ERBB4: variants seen among roughly 807,000 people sequenced by gnomAD.
The protein encoded by ERBB4 is receptor tyrosine-protein kinase erbB-4.
A neutral mutation model predicts 158.0 loss-of-function variants in ERBB4; 42 were observed. The ratio of observed to expected loss-of-function variants is 0.27; its 90% CI spans 0.21 to 0.34. The LOEUF (loss-of-function observed/expected upper bound fraction) is 0.34. Among genes scored for constraint, ERBB4 ranks in the 10% least tolerant of loss-of-function variants. The pLI is 1.00. For synonymous variants in ERBB4, 583 were observed against 558.7 expected (o/e 1.04, Z -0.61); for missense variants, 1,333 against 1,624.1 (o/e 0.82, Z 3.08).
chr2:212,114,382 G>A (rs997859418), intron 2 of ERBB4, among the ~76,000 whole-genome samples: 2 of 152,164 alleles, frequency 1.3e-5, no homozygotes, highest in Admixed American at 1.3e-4. Context: ...GTCAGAAAGA[G>A]CTGAATACCA....
chr2:211,848,342 G>A (rs919599431), intron 3 of ERBB4, among the ~76,000 whole-genome samples: 3 of 152,016 alleles, frequency 2.0e-5, no homozygotes, highest in South Asian at 2.1e-4. Flanking sequence ...CAAAAAACTT[G>A]CAAGTAATAT....
At chr2:211,803,578 C>T (rs1028220795) in intron 3 of ERBB4, among the ~76,000 whole-genome samples, 1 of 152,158 alleles carries the variant, frequency 6.6e-6, no homozygotes, top group African/African-American at 2.4e-5. Context: ...GAAGATGTTA[C>T]TAAGAGACAA....
At chr2:211,423,477 C>T (rs980188749) in intron 23 of ERBB4, among the ~76,000 whole-genome samples, 8 of 151,920 alleles carry the variant, frequency 5.3e-5, no homozygotes, top group South Asian at 2.1e-4. Flanking sequence ...AAGCCAGAAA[C>T]TCCAGAGACT....
intron 2 of ERBB4, among the ~76,000 whole-genome samples, chr2:212,113,176 C>A (rs1005001674): frequency 1.2e-4 from 19 of 152,010 alleles, no homozygotes; most frequent in Admixed American, 9.2e-4. Flanking sequence ...ATATTTAGAA[C>A]AAGTTAGTAG....
intron 20 of ERBB4, among the ~76,000 whole-genome samples, chr2:211,524,728 G>A (rs755288965): frequency 7.2e-5 from 11 of 152,242 alleles, no homozygotes; most frequent in Non-Finnish European, 1.2e-4. Flanking sequence ...CAAGCGCCAG[G>A]CGCAGCCCAG....
chr2:211,859,439 T>G (rs867362974), intron 3 of ERBB4, among the ~76,000 whole-genome samples: 42 of 152,236 alleles, frequency 2.8e-4, no homozygotes, highest in Middle Eastern at 3.2e-3. Flanking sequence ...ATTTCATGAA[T>G]ACTGTAATAT....
At chr2:212,536,956 G>A (rs1451763618) in intron 1 of ERBB4, among the ~76,000 whole-genome samples, 1 of 152,166 alleles carries the variant, frequency 6.6e-6, no homozygotes, top group African/African-American at 2.4e-5. Flanking sequence ...CGCTTGGAAT[G>A]TCAAGTCCGT....
intron 2 of ERBB4, among the ~76,000 whole-genome samples, chr2:211,997,933 A>ACACAC (rs2082240094): frequency 6.6e-6 from 1 of 151,622 alleles, no homozygotes; most frequent in Non-Finnish European, 1.5e-5. Context: ...ACACACACAC[A>ACACAC]AATGCCTGAG....
chr2:212,033,742 T>G (rs950726375), intron 2 of ERBB4, among the ~76,000 whole-genome samples: 3 of 151,906 alleles, frequency 2.0e-5, no homozygotes, highest in African/African-American at 7.2e-5. Flanking sequence ...TCTAAGGTCA[T>G]GGAGACCTTA....
chr2:211,527,627 AAAT>A (rs1305770207), intron 20 of ERBB4, among the ~76,000 whole-genome samples: 1 of 152,080 alleles, frequency 6.6e-6, no homozygotes, highest in African/African-American at 2.4e-5. Context: ...AAGCAATCAA[AAAT>A]AATAACTACA....
At chr2:211,589,518 G>T (rs999554033) in intron 19 of ERBB4, among the ~76,000 whole-genome samples, 2 of 152,042 alleles carry the variant, frequency 1.3e-5, no homozygotes, top group East Asian at 3.9e-4. Flanking sequence ...TAATAGCTTA[G>T]CCATCAGTCT....
At chr2:211,386,772 G>T in intron 27 of ERBB4, 81 bp downstream of exon 27, 2 of 1,423,298 alleles carry the variant, frequency 1.4e-6, no homozygotes, top group Non-Finnish European at 2.0e-6. Flanking sequence ...TCAGCTATCT[G>T]GCAATTTCTA....
At chr2:212,214,047 T>C (rs2103000) in intron 1 of ERBB4, among the ~76,000 whole-genome samples, 84,308 of 151,684 alleles carry the variant, frequency 0.56, 23,664 homozygotes, top group East Asian at 0.77. Flanking sequence ...GAACACCTCA[T>C]GCTGACCTTT....
At chr2:212,255,829 AT>A (rs898348669) in intron 1 of ERBB4, among the ~76,000 whole-genome samples, 1 of 151,830 alleles carries the variant, frequency 6.6e-6, no homozygotes, top group South Asian at 2.1e-4. Context: ...ACTTTGTGTC[AT>A]TTTTTTAAGG....
intron 3 of ERBB4, among the ~76,000 whole-genome samples, chr2:211,857,185 C>G (rs955475307): frequency 6.9e-6 from 1 of 145,762 alleles, no homozygotes; most frequent in Non-Finnish European, 1.5e-5. Context: ...GTTTGTGTGT[C>G]TTAGGTATTG....
At chr2:212,403,414 T>TA (rs2091263635) in intron 1 of ERBB4, among the ~76,000 whole-genome samples, 1 of 152,076 alleles carries the variant, frequency 6.6e-6, no homozygotes, top group Admixed American at 6.6e-5. Context: ...AAAAGAATTA[T>TA]AATCAGAATC....
At position 212,167,703 on chromosome 2, in the gene ERBB4, A is replaced by G. The variant is rs1233720457; in HGVS notation, c.83-42800T>C. 2.6e-5 allele frequency among the ~76,000 whole-genome samples: 4 copies of G among 152,310 alleles called. No homozygotes were observed. The East Asian group carries it at 7.7e-4, about 29-fold the overall frequency. On this transcript the variant is annotated intron_variant, in intron 1 of 27. Transcript: ENST00000342788. ...ATGGAACCAACACAAATGCCCATCAATGATAGACTGGATAAAGAAAATGTG... is the reference window on the plus strand; with the variant it reads ...ATGGAACCAACACAAATGCCCATCAGTGATAGACTGGATAAAGAAAATGTG...
At chr2:211,886,480 T>G (rs1038425827) in intron 3 of ERBB4, among the ~76,000 whole-genome samples, 1 of 152,222 alleles carries the variant, frequency 6.6e-6, no homozygotes, top group Non-Finnish European at 1.5e-5. Context: ...ATGTGAATTC[T>G]ATAATTTCTA....
At chr2:211,444,149 T>TAGCA (rs1553536268) in intron 20 of ERBB4, among the ~76,000 whole-genome samples, 9,533 of 151,612 alleles carry the variant, frequency 0.063, 316 homozygotes, top group South Asian at 0.089. Context: ...ATTATCTGTA[T>TAGCA]AACATTTCAC....
Sources: gnomAD v4.1 joint callset for allele counts (sites outside exome capture counted in the v4.1 genomes callset) on GRCh38, gnomAD v4.1.1 for gene constraint, MANE v1.5 for transcripts, NCBI Gene and HGNC (gene_info 2026-07-23, HGNC 2026-07-21) for gene names.